Variants in NCKAP5 observed in about 807,000 individuals in gnomAD.
The protein encoded by NCKAP5 is NCK associated protein 5, also known as nck-associated protein 5.
Under a neutral mutation model 167.0 loss-of-function variants are expected in NCKAP5, and 92 were observed. That is an observed-to-expected ratio of 0.55 (90% confidence interval 0.47 to 0.66). The LOEUF is 0.66. Ranked by LOEUF, NCKAP5 falls within the 30% of genes least tolerant of loss-of-function variation. The pLI, the probability that NCKAP5 is intolerant of heterozygous loss-of-function variation, is 0.00. For synonymous variants in NCKAP5, 891 were observed against 877.4 expected (o/e 1.02, Z -0.27); for missense variants, 2,378 against 2,315.0 (o/e 1.03, Z -0.56).
At chr2:132,705,508 A>G in intron 19 of NCKAP5, among the ~76,000 whole-genome samples, 1 of 152,134 alleles carries the variant, frequency 6.6e-6, no homozygotes, top group East Asian at 1.9e-4. Context: ...GTGTCATTTG[A>G]TATATTTGAT....
rs371454042 is a variant in NCKAP5 at position 133,317,522 on chromosome 2, G to T, written c.70-14412C>A. Among the ~76,000 whole-genome samples the T allele has an allele frequency of 7.9e-5, 12 of 152,110 alleles. No homozygotes were observed. The South Asian group carries it at 1.0e-3, about 13-fold the overall frequency. ...TTGGGTTCTGTGCAGGTGTGGAGGC[G>T]TCACCAGGGCTGAATTCATGGGCAC... On this transcript the variant is annotated intron_variant, in intron 3 of 19. Coordinates refer to ENST00000409261, the MANE Select transcript of NCKAP5 (RefSeq NM_207363.3).
At chr2:133,439,196 C>T (rs1196520102) in intron 3 of NCKAP5, among the ~76,000 whole-genome samples, 1 of 152,124 alleles carries the variant, frequency 6.6e-6, no homozygotes, top group Non-Finnish European at 1.5e-5. Flanking sequence ...TCCAAATTTT[C>T]CTGTAGCCTT....
At chr2:133,138,274 T>G (rs1167581593) in intron 5 of NCKAP5, among the ~76,000 whole-genome samples, 1 of 152,216 alleles carries the variant, frequency 6.6e-6, no homozygotes, top group Non-Finnish European at 1.5e-5. Context: ...GAGATTGATA[T>G]GCACTATAAA....
intron 3 of NCKAP5, among the ~76,000 whole-genome samples, chr2:133,426,534 A>C (rs1689818455): frequency 2.0e-5 from 3 of 152,144 alleles, no homozygotes; most frequent in South Asian, 4.1e-4. Flanking sequence ...CAGACACTAT[A>C]AGAAAACTGC....
chr2:132,834,175 C>T, intron 11 of NCKAP5, among the ~76,000 whole-genome samples: 1 of 151,992 alleles, frequency 6.6e-6, no homozygotes. Flanking sequence ...ATTTGACTTC[C>T]TTTTTTTCCA....
chr2:132,981,994 A>G (rs2077153238), intron 7 of NCKAP5, among the ~76,000 whole-genome samples: 1 of 152,148 alleles, frequency 6.6e-6, no homozygotes, highest in East Asian at 1.9e-4. Flanking sequence ...AGGTGTCTAC[A>G]TTTCTCACAG....
chr2:133,257,210 G>A (rs1351341887), intron 4 of NCKAP5, among the ~76,000 whole-genome samples: 1 of 152,156 alleles, frequency 6.6e-6, no homozygotes, highest in Admixed American at 6.5e-5. Context: ...AAACACAGCT[G>A]AAGGTTTTCA....
intron 4 of NCKAP5, among the ~76,000 whole-genome samples, chr2:133,299,858 C>A (rs1417975646): frequency 1.3e-5 from 2 of 151,854 alleles, no homozygotes; most frequent in African/African-American, 4.8e-5. Flanking sequence ...TAATTAAGCA[C>A]CAGCATATTT....
chr2:133,124,509 CTA>C (rs2082342159), intron 6 of NCKAP5, among the ~76,000 whole-genome samples: 2 of 152,202 alleles, frequency 1.3e-5, no homozygotes, highest in Non-Finnish European at 2.9e-5. Flanking sequence ...ACTGTTGTCA[CTA>C]TGCAATCATT....
chr2:133,099,900 T>C (rs1031257530), intron 6 of NCKAP5, among the ~76,000 whole-genome samples: 1 of 152,208 alleles, frequency 6.6e-6, no homozygotes, highest in Non-Finnish European at 1.5e-5. Flanking sequence ...TTACCTATTG[T>C]CTATGGCTAC....
intron 6 of NCKAP5, among the ~76,000 whole-genome samples, chr2:133,081,353 T>C (rs963530168): frequency 6.6e-6 from 1 of 152,100 alleles, no homozygotes; most frequent in African/African-American, 2.4e-5. Flanking sequence ...GAAAATAAGA[T>C]CAGTATCATA....
intron 8 of NCKAP5, among the ~76,000 whole-genome samples, chr2:132,894,605 C>T (rs1206894220): frequency 6.6e-6 from 1 of 152,184 alleles, no homozygotes; most frequent in Non-Finnish European, 1.5e-5. Flanking sequence ...CACTCTAACT[C>T]TCCTTGTTCT....
chr2:133,211,653 T>C (rs147123625), intron 5 of NCKAP5, among the ~76,000 whole-genome samples: 6 of 152,338 alleles, frequency 3.9e-5, no homozygotes, highest in African/African-American at 9.6e-5. Context: ...ATTTTGCCTG[T>C]GTTCACTCTT....
At chr2:133,090,502 C>T (rs542730938) in intron 6 of NCKAP5, among the ~76,000 whole-genome samples, 2 of 152,160 alleles carry the variant, frequency 1.3e-5, no homozygotes, top group Admixed American at 6.5e-5. Flanking sequence ...TGGCAGCCAC[C>T]AGAAGCTAAA....
intron 4 of NCKAP5, among the ~76,000 whole-genome samples, chr2:133,263,736 ATTTATCCATGTGAG>A (rs1288487891): frequency 6.6e-6 from 1 of 152,144 alleles, no homozygotes; most frequent in Non-Finnish European, 1.5e-5. Flanking sequence ...AGAAACTGCC[ATTTATCCATGTGAG>A]ATATGACTGG....
At chr2:133,085,568 A>T (rs78283406) in intron 6 of NCKAP5, among the ~76,000 whole-genome samples, 2,468 of 152,294 alleles carry the variant, frequency 0.016, 69 homozygotes, top group African/African-American at 0.057. Context: ...GTAGCATAAA[A>T]AAAAGCTGCC....
the NCKAP5 span, among the ~76,000 whole-genome samples, chr2:133,653,716 C>G: frequency 6.6e-6 from 1 of 152,168 alleles, no homozygotes; most frequent in African/African-American, 2.4e-5. Context: ...GGACCAGATC[C>G]TAGAGTTCTG....
chr2:133,138,053 G>A (rs2082859817), intron 5 of NCKAP5, among the ~76,000 whole-genome samples: 1 of 151,986 alleles, frequency 6.6e-6, no homozygotes, highest in African/African-American at 2.4e-5. Flanking sequence ...TGTCTGTAAT[G>A]AGCTAGAAAG....
At chr2:133,208,342 C>CA (rs1449836369) in intron 5 of NCKAP5, among the ~76,000 whole-genome samples, 2 of 151,634 alleles carry the variant, frequency 1.3e-5, no homozygotes, top group African/African-American at 2.4e-5. Context: ...TATCTCAAAA[C>CA]AAAAAAACAG....
Sources: allele counts gnomAD v4.1 joint callset (sites outside exome capture counted in the v4.1 genomes callset), GRCh38; gene constraint gnomAD v4.1.1; transcripts MANE v1.5; gene names NCBI Gene and HGNC (gene_info 2026-07-23, HGNC 2026-07-21).